Variants in CDKN2A observed in about 807,000 individuals in gnomAD.
CDKN2A encodes the protein cyclin-dependent kinase inhibitor 2A.
CDKN2A carries 3 observed loss-of-function variants against 11.1 expected under a neutral mutation model. The ratio of observed to expected loss-of-function variants is 0.27; its 90% confidence interval spans 0.12 to 0.70. The LOEUF (loss-of-function observed/expected upper bound fraction) is 0.70. CDKN2A is among the 30% of genes least tolerant of loss of function. The pLI is 0.77. For synonymous variants in CDKN2A, 122 were observed against 108.1 expected (o/e 1.13, Z -0.80); for missense variants, 265 against 233.6 (o/e 1.13, Z -0.88).
rs587778189 is a variant in CDKN2A at position 21,974,679 on chromosome 9, T to C, written c.149A>G (p.Gln50Arg). 6.2e-7 allele frequency: 1 copy of C among 1,614,024 alleles called. No individual in the cohort carries two copies. The highest frequency in any genetic ancestry group is 1.7e-5 in the Admixed American group (1 of 60,026). The stretch of plus-strand genomic sequence containing the variant: ...TCCCGCTGCAGACCCTCTACCCACC[T>C]GGATCGGCCTCCGACCGTAACTATT... ...APNSYGRRPI[Q>R]VMMMGSARVA... The change falls in exon 1 of 3, where the codon CAG (glutamine) becomes CGG (arginine). Residue 50 changes from glutamine to arginine, a missense_variant and splice_region_variant. Transcript: ENST00000304494. This position sits in a 1 kb window ranked among gnomAD's most constrained non-coding sequence, Gnocchi z 5.2.
intron 2 of CDKN2A, among the ~76,000 whole-genome samples, chr9:21,987,419 A>ACACACACACACG (rs1460898034): frequency 8.4e-6 from 1 of 119,240 alleles, no homozygotes; most frequent in Middle Eastern, 3.6e-3. Flanking sequence ...ACACACACAC[A>ACACACACACACG]CACACACACA....
At position 21,974,131 on chromosome 9, in the gene CDKN2A, T is replaced by A. The variant is rs928686920; in HGVS notation, c.150+547A>T. On this transcript the variant is annotated intron_variant, in intron 1 of 2. Coordinates refer to ENST00000304494, the MANE Select transcript of CDKN2A (RefSeq NM_000077.5). The surrounding 1 kb of genome is among the most constrained non-coding windows in gnomAD (Gnocchi z 5.2). ...TCTCGAACTCCCGACCTCAGGTGAT[T>A]CCCCCCGCCTTGATCTCCCAAAGTG... Among the ~76,000 whole-genome samples the A allele has an allele frequency of 1.3e-5, 2 of 152,090 alleles. No individual in the cohort carries two copies. Among genetic ancestry groups the A allele is most frequent in the African/African-American group, 4.8e-5 (2 of 41,388 alleles).
At chr9:21,981,513 G>T (rs1167863256) in intron 2 of CDKN2A, among the ~76,000 whole-genome samples, 1 of 151,822 alleles carries the variant, frequency 6.6e-6, no homozygotes, top group African/African-American at 2.4e-5. Context: ...ATTATTTGAA[G>T]GCAAAGGCAA....
chr9:21,983,927 G>A (rs1820247908), intron 2 of CDKN2A, among the ~76,000 whole-genome samples: 1 of 151,908 alleles, frequency 6.6e-6, no homozygotes, highest in Non-Finnish European at 1.5e-5. Flanking sequence ...TAAACTTTCT[G>A]AGCCTTTATT....
chr9:21,991,650 T>A lies in CDKN2A; in HGVS notation c.-4+2232A>T, dbSNP rs1195692972. On this transcript the variant is annotated intron_variant, in intron 2 of 3. Transcript: ENST00000494262. This position sits in a 1 kb window ranked among gnomAD's most constrained non-coding sequence, Gnocchi z 5.2. ...TTTAGCTTAACTCTATCATGGTAGT[T>A]GATAGTGATGAACTAACGTGGAATA... 3 of 984,618 alleles carry A rather than the reference T, an allele frequency of 3.0e-6. No homozygotes were observed. The highest frequency in any genetic ancestry group is 3.6e-6 in the Non-Finnish European group (3 of 829,180). The allele number at this position is 984,618 out of a possible 1,614,324, so 61.0% of individuals were successfully genotyped here. A position where few individuals can be genotyped will look rare whatever the true frequency, so the allele number is the denominator to read the frequency against.
Position 21,991,567 on chromosome 9 carries a change from T to C in CDKN2A, c.-4+2315A>G. On this transcript the variant is annotated intron_variant, in intron 2 of 3. Transcript: ENST00000494262. The surrounding 1 kb of genome is among the most constrained non-coding windows in gnomAD (Gnocchi z 5.2). ...GTTGAACCTTGCTATAAAAAAGTAT[T>C]TTTGATACCATTTGTATCACTTTAG... 3 of 795,938 alleles carry C rather than the reference T, an allele frequency of 3.8e-6. No individual in the cohort carries two copies. Among genetic ancestry groups the C allele is most frequent in the Non-Finnish European group, 4.6e-6 (3 of 657,170 alleles). 49.3% of individuals were successfully genotyped at this position (795,938 alleles called of 1,614,324 possible). A position where few individuals can be genotyped will look rare whatever the true frequency, so the allele number is the denominator to read the frequency against.
At position 21,974,839 on chromosome 9, in the gene CDKN2A, C is replaced by A; in HGVS notation, c.-12G>T. 6.4e-7 allele frequency: 1 copy of A among 1,567,358 alleles called. No individual in the cohort carries two copies. Among genetic ancestry groups the A allele is most frequent in the South Asian group, 1.2e-5 (1 of 86,628 alleles). ...GCCGCCGGCTCCATGCTGCTCCCCG[C>A]CGCCCGCTGCCTGCTCTCCCCCTCT... On this transcript the variant is annotated 5_prime_UTR_variant, in exon 1 of 3. Coordinates refer to ENST00000304494, the MANE Select transcript of CDKN2A (RefSeq NM_000077.5). The surrounding 1 kb of genome is among the most constrained non-coding windows in gnomAD (Gnocchi z 5.2).
At chr9:21,990,149 T>C (rs1820393439) in intron 2 of CDKN2A, among the ~76,000 whole-genome samples, 1 of 151,862 alleles carries the variant, frequency 6.6e-6, no homozygotes, top group African/African-American at 2.4e-5. Flanking sequence ...TAGAGTGTGC[T>C]TGTGGGGTGG....
chr9:21,983,570 G>A (rs1167885608), intron 2 of CDKN2A, among the ~76,000 whole-genome samples: 2 of 151,952 alleles, frequency 1.3e-5, no homozygotes, highest in African/African-American at 2.4e-5. Context: ...TTTTTCAAAG[G>A]GTAGAAGGCT....
At chr9:21,995,313 C>G (rs2131152558), upstream of CDKN2A, 1 of 152,496 alleles carries the variant, frequency 6.6e-6, no homozygotes, top group African/African-American at 2.4e-5. The surrounding 1 kb of genome is among the most constrained non-coding windows in gnomAD (Gnocchi z 5.7). Flanking sequence ...TCACGACAGC[C>G]GCGGAGCATC....
intron 2 of CDKN2A, among the ~76,000 whole-genome samples, chr9:21,985,940 T>C (rs931501050): frequency 6.6e-6 from 1 of 152,024 alleles, no homozygotes; most frequent in Admixed American, 6.6e-5. Flanking sequence ...GTATTTACTG[T>C]AAAAAACTAA....
At chr9:21,970,474 G>T in intron 2 of CDKN2A, 1 of 404,800 alleles carries the variant, frequency 2.5e-6, no homozygotes, top group Non-Finnish European at 4.5e-6. Flanking sequence ...GCACAATTGG[G>T]TTTGGAAATC....
At chr9:21,993,362 C>T (rs1176142230) in intron 2 of CDKN2A, among the ~76,000 whole-genome samples, 1 of 152,108 alleles carries the variant, frequency 6.6e-6, no homozygotes, top group Non-Finnish European at 1.5e-5. Flanking sequence ...AGAAGTAGGC[C>T]TCATTTTTAA....
upstream of CDKN2A, chr9:21,975,203 C>T (rs1256429267): frequency 3.7e-6 from 4 of 1,086,612 alleles, no homozygotes; most frequent in South Asian, 1.6e-4. Context: ...GCCCTCCGGC[C>T]TCCCTGCTCC....
chr9:21,976,592 T>C (rs1820037468), upstream of CDKN2A, among the ~76,000 whole-genome samples: 1 of 151,434 alleles, frequency 6.6e-6, no homozygotes, highest in South Asian at 2.1e-4. Context: ...GGCGCATGCC[T>C]GTAATCCCAG....
chr9:21,978,120 G>A (rs1820083994), upstream of CDKN2A, among the ~76,000 whole-genome samples: 1 of 135,702 alleles, frequency 7.4e-6, no homozygotes, highest in Non-Finnish European at 1.6e-5. Flanking sequence ...TAAATCTTAT[G>A]TAGGGGGGAG....
In CDKN2A at chr9:21,974,819, C is replaced by T. The variant is rs1057523441; in HGVS notation, c.9G>A (p.Pro3=). 7.5e-6 allele frequency: 12 copies of T among 1,598,072 alleles called. No homozygotes were observed. The highest frequency in any genetic ancestry group is 1.7e-5 in the Admixed American group (1 of 59,110). ME[P]AAGSSMEPSA... ...AAGGCTCCATGCTGCTCCCCGCCGC[C>T]GGCTCCATGCTGCTCCCCGCCGCCC... The change falls in exon 1 of 3, where the codon CCG becomes CCA. Residue 3 remains proline, a synonymous_variant. Transcript: ENST00000304494. This position sits in a 1 kb window ranked among gnomAD's most constrained non-coding sequence, Gnocchi z 5.2.
chr9:21,971,021 A>AGAC lies in CDKN2A; in HGVS notation c.335_337dup (p.Arg112dup), dbSNP rs768966657. 3.1e-6 allele frequency: 5 copies of AGAC among 1,607,346 alleles called. No homozygotes were observed. The highest frequency in any genetic ancestry group is 4.2e-6 in the Non-Finnish European group (5 of 1,179,658). ...CAGCTCCTCAGCCAGGTCCACGGGC[A>AGAC]GACGGCCCCAGGCATCGCGCACGTC... On this transcript the variant is annotated inframe_insertion, in exon 2 of 3. Coordinates refer to ENST00000304494, the MANE Select transcript of CDKN2A (RefSeq NM_000077.5).
chr9:21,988,622 G>A lies in CDKN2A; in HGVS notation c.-4+5260C>T, dbSNP rs1475706310. Among the ~76,000 whole-genome samples, 2 of 152,054 alleles carry A rather than the reference G, an allele frequency of 1.3e-5. No individual in the cohort carries two copies. Among genetic ancestry groups the A allele is most frequent in the African/African-American group, 2.4e-5 (1 of 41,394 alleles). Reference sequence around the variant, plus strand: ...TAGATGGAGGAGAAAGGGAATGAGCGAGGGCTGAAATACTACCTACTGTGG... The same window carrying A: ...TAGATGGAGGAGAAAGGGAATGAGCAAGGGCTGAAATACTACCTACTGTGG... On this transcript the variant is annotated intron_variant, in intron 2 of 3. Transcript: ENST00000494262. This position sits in a 1 kb window ranked among gnomAD's most constrained non-coding sequence, Gnocchi z 4.1.
Sources: gnomAD v4.1 joint callset for allele counts (sites outside exome capture counted in the v4.1 genomes callset) on GRCh38, gnomAD v4.1.1 for gene constraint, Gnocchi (gnomAD v3.1) non-coding constraint, MANE v1.5 for transcripts, NCBI Gene and HGNC (gene_info 2026-07-23, HGNC 2026-07-21) for gene names.